The following PIGN variants were observed in gnomAD, a reference collection of about 807,000 sequenced individuals.
PIGN encodes the protein GPI ethanolamine phosphate transferase 1.
PIGN carries 117 observed loss-of-function variants against 125.4 expected under a neutral mutation model. The ratio of observed to expected loss-of-function variants is 0.93; its 90% CI spans 0.80 to 1.09. The LOEUF is 1.09. PIGN is among the 50% of genes least tolerant of loss of function. PIGN has a pLI of 0.00. For synonymous variants in PIGN, 392 were observed against 377.8 expected, an observed-to-expected ratio of 1.04 and a Z score of -0.44; for missense variants, 1,075 against 1,094.9, an observed-to-expected ratio of 0.98 and a Z score of 0.26.
At chr18:62,137,937 G>T in intron 14 of PIGN, 1 of 276,264 alleles carries the variant, frequency 3.6e-6, no homozygotes, top group Non-Finnish European at 6.8e-6. Context: ...CAAGTGCCAG[G>T]AAGTCACACT....
At chr18:62,093,632 ATAAT>A (rs2034060132) in intron 23 of PIGN, among the ~76,000 whole-genome samples, 1 of 152,182 alleles carries the variant, frequency 6.6e-6, no homozygotes, top group Non-Finnish European at 1.5e-5. Flanking sequence ...TTGCATAAAA[ATAAT>A]TAAGTGCTGA....
At chr18:62,126,074 G>A (rs2035524128) in intron 14 of PIGN, among the ~76,000 whole-genome samples, 1 of 152,012 alleles carries the variant, frequency 6.6e-6, no homozygotes, top group South Asian at 2.1e-4. Context: ...GAAAACAAGA[G>A]TATCTGGATC....
intron 4 of PIGN, chr18:62,158,058 A>G: frequency 2.8e-6 from 1 of 353,960 alleles, no homozygotes; most frequent in Non-Finnish European, 5.2e-6. Context: ...GAATCATGAA[A>G]CAAAATACAT....
At chr18:62,152,094 G>A (rs1184089061) in intron 7 of PIGN, among the ~76,000 whole-genome samples, 1 of 152,042 alleles carries the variant, frequency 6.6e-6, no homozygotes, top group African/African-American at 2.4e-5. Context: ...GTCCAGAAAG[G>A]CAGGACAACT....
At chr18:62,172,485 T>C (rs1484903950) in intron 1 of PIGN, among the ~76,000 whole-genome samples, 1 of 152,156 alleles carries the variant, frequency 6.6e-6, no homozygotes, top group African/African-American at 2.4e-5. Context: ...ATCTTAGTAC[T>C]CTAATATGTA....
chr18:62,167,858 AT>A (rs1288911536), intron 1 of PIGN, among the ~76,000 whole-genome samples: 2 of 151,740 alleles, frequency 1.3e-5, no homozygotes, highest in African/African-American at 2.4e-5. Context: ...ATCCCTTCTC[AT>A]TTTTTTAACG....
intron 30 of PIGN, among the ~76,000 whole-genome samples, chr18:62,059,738 T>C (rs902795914): frequency 6.6e-6 from 1 of 152,196 alleles, no homozygotes; most frequent in South Asian, 2.1e-4. Flanking sequence ...CACAACTCCA[T>C]ACATTTGCCA....
At chr18:62,025,695 T>A (rs1425535593) in intron 23 of PIGN, among the ~76,000 whole-genome samples, 1 of 152,206 alleles carries the variant, frequency 6.6e-6, no homozygotes, top group Non-Finnish European at 1.5e-5. Context: ...AAATTTATTA[T>A]CATGCCCTAA....
chr18:62,057,666 C>T (rs1286256740), intron 30 of PIGN, among the ~76,000 whole-genome samples: 1 of 152,206 alleles, frequency 6.6e-6, no homozygotes, highest in East Asian at 1.9e-4. Flanking sequence ...AATGCTTCAA[C>T]TTACACTTGG....
chr18:62,144,790 G>T (rs1460720609), intron 10 of PIGN, among the ~76,000 whole-genome samples: 1 of 152,114 alleles, frequency 6.6e-6, no homozygotes, highest in Non-Finnish European at 1.5e-5. Context: ...TGCCTCCTTT[G>T]CCAAATATCT....
chr18:62,129,196 A>G (rs1422742429), intron 14 of PIGN, among the ~76,000 whole-genome samples: 1 of 152,138 alleles, frequency 6.6e-6, no homozygotes, highest in African/African-American at 2.4e-5. Context: ...GAGATTGATC[A>G]TAGTGAGCGT....
At chr18:62,071,203 A>T (rs1335256915) in intron 30 of PIGN, among the ~76,000 whole-genome samples, 1 of 152,234 alleles carries the variant, frequency 6.6e-6, no homozygotes, top group African/African-American at 2.4e-5. Context: ...TTAAACCACC[A>T]TATAAAATTC....
intron 9 of PIGN, 52 bp downstream of exon 9, chr18:62,146,919 C>T (rs576353542): frequency 2.6e-6 from 4 of 1,565,046 alleles, no homozygotes; most frequent in Admixed American, 1.7e-5. Flanking sequence ...TTACCAGCTA[C>T]ATTTATCACT....
intron 30 of PIGN, among the ~76,000 whole-genome samples, chr18:62,056,481 T>C (rs2031735137): frequency 6.6e-6 from 1 of 150,748 alleles, no homozygotes; most frequent in Admixed American, 6.6e-5. Flanking sequence ...CAAAGTCCTG[T>C]CACCTTCCTC....
intron 30 of PIGN, among the ~76,000 whole-genome samples, chr18:62,055,387 C>T (rs2031641960): frequency 6.6e-6 from 1 of 152,182 alleles, no homozygotes; most frequent in South Asian, 2.1e-4. Context: ...GAAAAAAATG[C>T]TAACTCCAAA....
At chr18:62,112,384 T>C (rs1029244298) in intron 16 of PIGN, among the ~76,000 whole-genome samples, 4 of 152,074 alleles carry the variant, frequency 2.6e-5, no homozygotes, top group African/African-American at 9.7e-5. Context: ...AACTTGAACA[T>C]GGTAATAATC....
intron 1 of PIGN, among the ~76,000 whole-genome samples, chr18:62,178,558 C>G (rs1014942416): frequency 6.7e-6 from 1 of 150,292 alleles, no homozygotes; most frequent in African/African-American, 2.5e-5. Flanking sequence ...TTGCTTGAGC[C>G]TAGGAATTCA....
chr18:62,176,173 G>A (rs960622014), intron 1 of PIGN, among the ~76,000 whole-genome samples: 1 of 152,088 alleles, frequency 6.6e-6, no homozygotes, highest in Non-Finnish European at 1.5e-5. Context: ...TTATGTTAGA[G>A]AGAATTGCTT....
intron 1 of PIGN, among the ~76,000 whole-genome samples, chr18:62,172,308 G>A (rs1003870697): frequency 1.3e-5 from 2 of 152,048 alleles, no homozygotes; most frequent in African/African-American, 4.8e-5. Context: ...CCAGGATCCA[G>A]TCTAAGGGCA....
Sources: allele counts gnomAD v4.1 joint callset (sites outside exome capture counted in the v4.1 genomes callset), GRCh38; gene constraint gnomAD v4.1.1; transcripts MANE v1.5; gene names NCBI Gene and HGNC (gene_info 2026-07-23, HGNC 2026-07-21).